ATXN1: variants seen among roughly 807,000 people sequenced by gnomAD.
ATXN1 encodes the protein ataxin-1.
Under a neutral mutation model 56.4 loss-of-function variants are expected in ATXN1, and 8 were observed. The ratio of observed to expected loss-of-function variants is 0.14; its 90% CI spans 0.08 to 0.26. The LOEUF is 0.26. Among genes scored for constraint, ATXN1 ranks in the 10% least tolerant of loss-of-function variants. ATXN1 has a pLI of 1.00. For synonymous variants in ATXN1, 514 were observed against 494.6 expected (o/e 1.04, Z -0.52); for missense variants, 987 against 1,106.5 (o/e 0.89, Z 1.53).
At chr6:16,492,972 C>T (rs530241867) in intron 5 of ATXN1, among the ~76,000 whole-genome samples, 1 of 152,236 alleles carries the variant, frequency 6.6e-6, no homozygotes, top group East Asian at 1.9e-4. Context: ...TCCCACATTC[C>T]ATCGGTTTCC....
intron 4 of ATXN1, among the ~76,000 whole-genome samples, chr6:16,524,753 A>C (rs1420122531): frequency 6.6e-6 from 1 of 151,364 alleles, no homozygotes; most frequent in Non-Finnish European, 1.5e-5. Context: ...TTGGTGACTT[A>C]ATAATTTGCC....
intron 4 of ATXN1, among the ~76,000 whole-genome samples, chr6:16,546,829 T>A (rs1458935191): frequency 4.6e-5 from 7 of 152,254 alleles, no homozygotes; most frequent in African/African-American, 1.7e-4. Flanking sequence ...ATAGTTATTA[T>A]GTAACTGTAC....
chr6:16,367,981 A>G (rs1405139281), intron 6 of ATXN1, among the ~76,000 whole-genome samples: 1 of 152,080 alleles, frequency 6.6e-6, no homozygotes, highest in Non-Finnish European at 1.5e-5. Flanking sequence ...CAGCTTGGCC[A>G]ACATGTGAAA....
intron 2 of ATXN1, among the ~76,000 whole-genome samples, chr6:16,658,977 T>C (rs1431009202): frequency 6.6e-6 from 1 of 152,244 alleles, no homozygotes; most frequent in Non-Finnish European, 1.5e-5. Context: ...ACTGTGTGAA[T>C]AACTAATTCC....
At chr6:16,701,032 C>T (rs1395604062) in intron 2 of ATXN1, among the ~76,000 whole-genome samples, 1 of 150,234 alleles carries the variant, frequency 6.7e-6, no homozygotes. Context: ...AATATCTGAA[C>T]AGAAGCGAGG....
chr6:16,719,663 C>T (rs1399210897), intron 2 of ATXN1, among the ~76,000 whole-genome samples: 1 of 152,184 alleles, frequency 6.6e-6, no homozygotes, highest in African/African-American at 2.4e-5. Context: ...ACCTGTCCTT[C>T]CTTTTCCAGC....
chr6:16,369,078 C>A (rs1432403746), intron 6 of ATXN1, among the ~76,000 whole-genome samples: 2 of 152,186 alleles, frequency 1.3e-5, no homozygotes, highest in Non-Finnish European at 2.9e-5. Flanking sequence ...ACCGCCTCTT[C>A]CTGGTGTTCG....
At chr6:16,668,378 T>G (rs543236498) in intron 2 of ATXN1, among the ~76,000 whole-genome samples, 1 of 132,030 alleles carries the variant, frequency 7.6e-6, no homozygotes, top group Admixed American at 8.5e-5. Flanking sequence ...CAGTGTGTGA[T>G]GTTCCCCTTC....
intron 5 of ATXN1, among the ~76,000 whole-genome samples, chr6:16,519,242 G>A (rs1282867061): frequency 6.6e-6 from 1 of 151,956 alleles, no homozygotes; most frequent in East Asian, 1.9e-4. Flanking sequence ...CAATATATAT[G>A]AAAAAAGGAA....
At chr6:16,449,234 C>T (rs1422821878) in intron 6 of ATXN1, among the ~76,000 whole-genome samples, 4 of 152,136 alleles carry the variant, frequency 2.6e-5, no homozygotes, top group Non-Finnish European at 2.9e-5. Flanking sequence ...GTATCATGGA[C>T]AATTAACGGC....
chr6:16,400,335 G>A (rs1026504280), intron 6 of ATXN1, among the ~76,000 whole-genome samples: 58 of 152,282 alleles, frequency 3.8e-4, no homozygotes, highest in African/African-American at 1.4e-3. Context: ...GCCCTCTGAG[G>A]TGGAGAGAGC....
Position 16,306,693 on chromosome 6 carries a change from A to G in ATXN1, c.2084T>C (p.Val695Ala). Residue 695 changes from valine (V) to alanine (A), a missense_variant, in exon 8 of 8, where the codon GTT (valine) becomes GCT (alanine). Physicochemically the swap from Val to Ala is moderately conservative, Grantham distance 64 (BLOSUM62 0). This residue lies in a region of ATXN1 where 196 missense variants were observed against 196.7 expected (regional missense o/e 1.00). Coordinates refer to ENST00000436367, the MANE Select transcript of ATXN1 (RefSeq NM_001128164.2). This position sits in a 1 kb window ranked among gnomAD's most constrained non-coding sequence, Gnocchi z 5.2. ...LTLKNLKNGSVKKGQPVDPAS... is the reference protein window; with the variant it reads ...LTLKNLKNGSAKKGQPVDPAS... ...GGGATCCACGGGCTGGCCCTTTTTAACAGAGCCGTTCTTCAGGTTCTTGAG... is the reference window on the plus strand; with the variant it reads ...GGGATCCACGGGCTGGCCCTTTTTAGCAGAGCCGTTCTTCAGGTTCTTGAG... 6.2e-7 allele frequency: 1 copy of G among 1,614,174 alleles called. No homozygotes were observed.
chr6:16,671,491 C>CT (rs1758541719), intron 2 of ATXN1, among the ~76,000 whole-genome samples: 1 of 152,094 alleles, frequency 6.6e-6, no homozygotes, highest in Non-Finnish European at 1.5e-5. Flanking sequence ...TGAAGTGAAA[C>CT]TAATCAATGT....
chr6:16,746,286 A>C (rs1052957643), intron 2 of ATXN1, among the ~76,000 whole-genome samples: 2 of 152,228 alleles, frequency 1.3e-5, no homozygotes, highest in Admixed American at 6.5e-5. Context: ...TAGCTGCCTA[A>C]AGAAACTATT....
chr6:16,694,553 GGTT>G (rs1396588827), intron 2 of ATXN1, among the ~76,000 whole-genome samples: 1 of 152,120 alleles, frequency 6.6e-6, no homozygotes, highest in African/African-American at 2.4e-5. Context: ...ACCGTATTAT[GGTT>G]GTAAAAGCAC....
intron 2 of ATXN1, among the ~76,000 whole-genome samples, chr6:16,725,920 CTAAA>C (rs956680630): frequency 3.3e-5 from 5 of 152,184 alleles, no homozygotes; most frequent in Non-Finnish European, 7.3e-5. Flanking sequence ...TAAATATTTG[CTAAA>C]TAAAGGCAGC....
At chr6:16,468,158 A>G (rs1054086313) in intron 6 of ATXN1, among the ~76,000 whole-genome samples, 1 of 152,170 alleles carries the variant, frequency 6.6e-6, no homozygotes, top group African/African-American at 2.4e-5. Context: ...AATTTGGTTT[A>G]GGACTGGTTT....
chr6:16,594,721 T>A (rs1443723806), intron 3 of ATXN1, among the ~76,000 whole-genome samples: 4 of 152,186 alleles, frequency 2.6e-5, no homozygotes, highest in Admixed American at 2.6e-4. Flanking sequence ...GACCTCGTGA[T>A]CCGCCTGCCT....
At chr6:16,378,519 A>C (rs1762188876) in intron 6 of ATXN1, among the ~76,000 whole-genome samples, 1 of 151,790 alleles carries the variant, frequency 6.6e-6, no homozygotes, top group African/African-American at 2.4e-5. Context: ...CCATTACACC[A>C]CTGGGCCCCT....
Sources: gnomAD v4.1 joint callset for allele counts (sites outside exome capture counted in the v4.1 genomes callset) on GRCh38, gnomAD v4.1.1 for gene constraint, gnomAD v4.1.1 regional missense constraint, Gnocchi (gnomAD v3.1) non-coding constraint, MANE v1.5 for transcripts, NCBI Gene and HGNC (gene_info 2026-07-23, HGNC 2026-07-21) for gene names.